LPIN1: variants seen among roughly 807,000 people sequenced by gnomAD.
LPIN1 encodes the protein phosphatidate phosphatase LPIN1.
LPIN1 carries 71 observed loss-of-function variants against 107.5 expected under a neutral mutation model. The observed-to-expected ratio is 0.66, with a 90% CI of 0.55 to 0.80. LPIN1 has a LOEUF of 0.80. Ranked by LOEUF, LPIN1 falls within the 30% of genes least tolerant of loss-of-function variation. The pLI is 0.00. For synonymous variants in LPIN1, 445 were observed against 452.6 expected, an observed-to-expected ratio of 0.98 and a Z score of 0.21; for missense variants, 1,043 against 1,160.6, an observed-to-expected ratio of 0.90 and a Z score of 1.47.
Position 11,791,926 on chromosome 2 carries a change from T to G in LPIN1, c.1726T>G (p.Ser576Ala). The G allele has an allele frequency of 6.2e-7, 1 of 1,613,934 alleles. No individual in the cohort carries two copies. The change falls in exon 13 of 21, where the codon TCT (serine) becomes GCT (alanine). Residue 576 changes from serine to alanine, a missense_variant. By Grantham distance (99) the Ser-to-Ala change is moderately conservative. Transcript: ENST00000674199. ...CCATTTAAAACAGGCCACTGTGGAA[T>G]CTATCATGAGGGATAAAATGCCCAA... ...QKPLPKATVE[S>A]IMRDKMPKKG...
chr2:11,821,596 G>A (rs1280816002), intron 20 of LPIN1, among the ~76,000 whole-genome samples: 1 of 152,196 alleles, frequency 6.6e-6, no homozygotes, highest in Non-Finnish European at 1.5e-5. Flanking sequence ...TTAGACTGGG[G>A]GAGTTTGGTT....
At chr2:11,678,534 G>A (rs143793564) in intron 1 of LPIN1, among the ~76,000 whole-genome samples, 160 of 152,328 alleles carry the variant, frequency 1.1e-3, no homozygotes, top group Non-Finnish European at 1.7e-3. Flanking sequence ...GGTTCAGCAT[G>A]CTTAGGGGGC....
Position 11,732,903 on chromosome 2 carries a change from C to CTGTG in LPIN1, c.-72+8365_-72+8366insGTGT, listed in dbSNP as rs1279943760. Among the ~76,000 whole-genome samples, 994 of 145,136 alleles carry CTGTG rather than the reference C, an allele frequency of 6.8e-3. 7 individuals carry two copies. The highest frequency in any genetic ancestry group is 0.027 in the African/African-American group (937 of 35,326). On this transcript the variant is annotated intron_variant, in intron 1 of 21. Transcript: ENST00000396097. Reference sequence around the variant, plus strand: ...TTTCTCTCTCTCTCTTTCTCTCTCTCTCTCTCTCTGTGTGTGTGTGTGTGT... The same window carrying CTGTG: ...TTTCTCTCTCTCTCTTTCTCTCTCTCTGTGTCTCTCTCTGTGTGTGTGTGTGTGT...
rs1380516235 is a variant in LPIN1, at chr2:11,752,500, C to T, written c.-10+5829C>T. ...AGGCTGGAGTGCAGTGGCGGGATCTCGGCTCACTGCAAGCTCCGCCTCCCG... is the reference window on the plus strand; with the variant it reads ...AGGCTGGAGTGCAGTGGCGGGATCTTGGCTCACTGCAAGCTCCGCCTCCCG... On this transcript the variant is annotated intron_variant, in intron 1 of 20. Transcript: ENST00000674199. 2.3e-5 allele frequency among the ~76,000 whole-genome samples: 3 copies of T among 130,504 alleles called. 1 individual carries two copies. The highest frequency in any genetic ancestry group is 9.9e-5 in the African/African-American group (3 of 30,154). 85.6% of individuals were successfully genotyped at this position (130,504 alleles called of 152,430 possible).
intron 17 of LPIN1, among the ~76,000 whole-genome samples, chr2:11,807,266 G>A (rs907766861): frequency 6.6e-6 from 1 of 152,210 alleles, no homozygotes; most frequent in African/African-American, 2.4e-5. Flanking sequence ...GCTGCTGTAG[G>A]TGGCGTATGT....
intron 5 of LPIN1, among the ~76,000 whole-genome samples, 158 bp from the exon 6 acceptor site, chr2:11,775,928 C>G (rs995172270): frequency 4.1e-5 from 6 of 145,386 alleles, no homozygotes; most frequent in Non-Finnish European, 9.0e-5. Flanking sequence ...TTTATATAAT[C>G]TTATATATAG....
Position 11,820,515 on chromosome 2 carries a change from G to C in LPIN1, c.2621+1G>C. ...AACATGCAAAGACCAACATCTCTTC[G>C]TGAGTATTGTACACATTTTATGTGA... On this transcript the variant is annotated splice_donor_variant, in intron 20 of 20. Coordinates refer to ENST00000674199, the MANE Select transcript of LPIN1 (RefSeq NM_001349206.2). LOFTEE classifies it high-confidence loss of function. 6.3e-7 allele frequency: 1 copy of C among 1,594,290 alleles called. No individual in the cohort carries two copies. The highest frequency in any genetic ancestry group is 8.6e-7 in the Non-Finnish European group (1 of 1,161,954).
At chr2:11,701,118 C>T (rs1023264244) in intron 1 of LPIN1, among the ~76,000 whole-genome samples, 2 of 152,178 alleles carry the variant, frequency 1.3e-5, no homozygotes, top group African/African-American at 4.8e-5. Flanking sequence ...ACACATGCTC[C>T]CTTTTCCTCC....
chr2:11,763,964 A>AGT (rs143711712), intron 1 of LPIN1, among the ~76,000 whole-genome samples: 5,321 of 133,956 alleles, frequency 0.04, 157 homozygotes, highest in East Asian at 0.095. Flanking sequence ...CATATATTTT[A>AGT]GTGTGTGTGT....
rs532652762 is a variant in LPIN1 at position 11,790,371 on chromosome 2, G to T, written c.1714-1543G>T. On this transcript the variant is annotated intron_variant, in intron 12 of 20. Transcript: ENST00000674199. ...CCTTGATGGTCACAAGGTGACTGCC[G>T]TACACATCGTCTGCTCAGACTGCCG... is the stretch of plus-strand genomic sequence containing the variant. Among the ~76,000 whole-genome samples the T allele has an allele frequency of 3.9e-5, 6 of 152,298 alleles. No individual in the cohort carries two copies. In the East Asian group the frequency reaches 1.2e-3, roughly 29 times the overall value.
rs1050018027 is a variant in LPIN1, at chr2:11,774,876, T to G, written c.722+1131T>G. 3.9e-5 allele frequency among the ~76,000 whole-genome samples: 6 copies of G among 152,030 alleles called. No homozygotes were observed. Among genetic ancestry groups the G allele is most frequent in the African/African-American group, 1.5e-4 (6 of 41,364 alleles). ...CAAAGTCCCTGCATGGAGGTCTTCC[T>G]GCGTCAGAGCCTAGCCCTGTTCAAT... is the stretch of plus-strand genomic sequence containing the variant. On this transcript the variant is annotated intron_variant, in intron 5 of 20. Transcript: ENST00000674199. This position sits in a 1 kb window ranked among gnomAD's most constrained non-coding sequence, Gnocchi z 4.4.
At chr2:11,730,410 T>G (rs772024649) in intron 1 of LPIN1, among the ~76,000 whole-genome samples, 1 of 152,228 alleles carries the variant, frequency 6.6e-6, no homozygotes, top group Non-Finnish European at 1.5e-5. Flanking sequence ...ATCTGTTACA[T>G]TGTATACCTT....
At chr2:11,805,490 C>G in intron 17 of LPIN1, 1 of 425,582 alleles carries the variant, frequency 2.3e-6, no homozygotes, top group Non-Finnish European at 4.4e-6. Flanking sequence ...GAAATAGGAG[C>G]TTATATGTTA....
At chr2:11,732,428 GGACT>G (rs1665326723) in intron 1 of LPIN1, among the ~76,000 whole-genome samples, 1 of 152,162 alleles carries the variant, frequency 6.6e-6, no homozygotes, top group African/African-American at 2.4e-5. Flanking sequence ...TTGAAGTCAG[GGACT>G]GACAGACAGA....
intron 1 of LPIN1, chr2:11,764,074 GTGTGTATATATATATATATA>G (rs1470933259): frequency 1.3e-5 from 1 of 75,704 alleles, no homozygotes; most frequent in Non-Finnish European, 2.7e-5. Flanking sequence ...GTGTGTGTGT[GTGTGTATATATATATATATA>G]TATATATATA....
intron 1 of LPIN1, among the ~76,000 whole-genome samples, chr2:11,763,770 TG>T (rs1206630166): frequency 1.3e-5 from 2 of 151,932 alleles, no homozygotes; most frequent in African/African-American, 4.8e-5. Context: ...TCTTCCAGTC[TG>T]GTGGTTTTAA....
At chr2:11,795,589 C>A in intron 14 of LPIN1, 102 bp downstream of exon 14, 1 of 1,068,094 alleles carries the variant, frequency 9.4e-7, no homozygotes, top group Non-Finnish European at 1.5e-6. Context: ...ACAGTTCCAA[C>A]TCTGGCTCTG....
intron 1 of LPIN1, among the ~76,000 whole-genome samples, chr2:11,698,694 T>G (rs573626045): frequency 2.0e-5 from 3 of 152,360 alleles, no homozygotes; most frequent in Non-Finnish European, 4.4e-5. Flanking sequence ...AGAATAAGCT[T>G]TGTTGATTAG....
chr2:11,784,012 G>C, intron 9 of LPIN1, 90 bp downstream of exon 9: 1 of 1,603,920 alleles, frequency 6.2e-7, no homozygotes, highest in South Asian at 1.1e-5. Flanking sequence ...TGATTAGAAA[G>C]TGTGCAAGAC....
Sources: gnomAD v4.1 joint callset for allele counts (sites outside exome capture counted in the v4.1 genomes callset) on GRCh38, gnomAD v4.1.1 for gene constraint, Gnocchi (gnomAD v3.1) non-coding constraint, MANE v1.5 for transcripts, NCBI Gene and HGNC (gene_info 2026-07-23, HGNC 2026-07-21) for gene names.